Variants in FHIT observed in about 807,000 individuals in gnomAD.
FHIT encodes the protein fragile histidine triad diadenosine triphosphatase.
FHIT carries 19 observed loss-of-function variants against 17.9 expected under a neutral mutation model. The ratio of observed to expected loss-of-function variants is 1.06; its 90% CI spans 0.74 to 1.56. The LOEUF (loss-of-function observed/expected upper bound fraction) is 1.56, where lower values mean the gene tolerates loss of function less well. Among genes scored for constraint, FHIT ranks in the 40% most tolerant of loss-of-function variants. The pLI is 0.00. For synonymous variants in FHIT, 81 were observed against 69.7 expected (o/e 1.16, Z -0.81); for missense variants, 248 against 189.2 (o/e 1.31, Z -1.82).
In FHIT at chr3:60,889,822, G is replaced by A. The variant is rs114537550; in HGVS notation, c.-110-67811C>T. Among the ~76,000 whole-genome samples the A allele has an allele frequency of 5.9e-5, 9 of 152,134 alleles. No individual in the cohort carries two copies. The South Asian group carries it at 6.2e-4, about 11-fold the overall frequency. On this transcript the variant is annotated intron_variant, in intron 3 of 9. Transcript: ENST00000492590. ...ATTGGGTTAATATGATTCAATTTAC[G>A]TCTGGGCTTCTTGGTAGACAGGACA...
chr3:60,462,189 G>C (rs2032515583), intron 5 of FHIT, among the ~76,000 whole-genome samples: 1 of 152,136 alleles, frequency 6.6e-6, no homozygotes, highest in Admixed American at 6.5e-5. Context: ...AAATATTAAA[G>C]AGAGCTACCA....
chr3:61,158,692 AC>A (rs1229034792), intron 2 of FHIT, among the ~76,000 whole-genome samples: 1 of 152,212 alleles, frequency 6.6e-6, no homozygotes, highest in Non-Finnish European at 1.5e-5. Context: ...GGACATTTTT[AC>A]AAAATAACAA....
chr3:60,668,920 T>C (rs572459851), intron 4 of FHIT, among the ~76,000 whole-genome samples: 3 of 152,248 alleles, frequency 2.0e-5, no homozygotes, highest in South Asian at 4.2e-4. Flanking sequence ...CCAGAGTTGG[T>C]AGTTGTTCTT....
rs1395126850 is a variant in FHIT, at chr3:60,021,816, T to C, written c.104-7664A>G. On this transcript the variant is annotated intron_variant, in intron 5 of 9. Transcript: ENST00000492590. The stretch of plus-strand genomic sequence containing the variant: ...TCAAGGTTATAAAAACCTCCATGTA[T>C]AATACCTACTGCAGTGTTTACTAGA... Among the ~76,000 whole-genome samples the C allele has an allele frequency of 2.0e-5, 3 of 152,212 alleles. No individual in the cohort carries two copies. The East Asian group carries it at 5.8e-4, about 29-fold the overall frequency.
At chr3:60,370,444 C>T (rs907626977) in intron 5 of FHIT, among the ~76,000 whole-genome samples, 3 of 152,098 alleles carry the variant, frequency 2.0e-5, no homozygotes, top group South Asian at 2.1e-4. Flanking sequence ...TAAAGATGCC[C>T]GTGTCAACAT....
intron 5 of FHIT, among the ~76,000 whole-genome samples, chr3:60,434,667 C>A (rs2030049829): frequency 6.6e-6 from 1 of 152,122 alleles, no homozygotes; most frequent in Non-Finnish European, 1.5e-5. Flanking sequence ...TCTTGACAGA[C>A]TGGTACTAGT....
At chr3:61,118,555 A>G (rs1215946955) in intron 2 of FHIT, among the ~76,000 whole-genome samples, 2 of 152,198 alleles carry the variant, frequency 1.3e-5, no homozygotes, top group African/African-American at 4.8e-5. Context: ...ATCATTTTTC[A>G]TAGCACCTGG....
chr3:60,782,899 G>T (rs1413236745), intron 4 of FHIT, among the ~76,000 whole-genome samples: 1 of 152,030 alleles, frequency 6.6e-6, no homozygotes, highest in African/African-American at 2.4e-5. Flanking sequence ...TTTTAAAAGG[G>T]CACCAATCCC....
intron 4 of FHIT, among the ~76,000 whole-genome samples, chr3:60,546,978 T>C (rs2036388638): frequency 6.6e-6 from 1 of 152,060 alleles, no homozygotes; most frequent in Admixed American, 6.6e-5. Context: ...TTAATTTCAA[T>C]GAAGAAGAAA....
intron 8 of FHIT, among the ~76,000 whole-genome samples, chr3:59,879,546 C>T (rs1703310357): frequency 6.6e-6 from 1 of 152,018 alleles, no homozygotes; most frequent in Non-Finnish European, 1.5e-5. Flanking sequence ...GTAGATGAAG[C>T]AAAGATATGA....
At chr3:60,757,705 T>C (rs538317182) in intron 4 of FHIT, among the ~76,000 whole-genome samples, 3 of 152,256 alleles carry the variant, frequency 2.0e-5, no homozygotes, top group South Asian at 4.2e-4. Context: ...CCCTCATGGG[T>C]CTGGTATACC....
chr3:60,405,900 C>G (rs1469207183), intron 5 of FHIT, among the ~76,000 whole-genome samples: 1 of 152,190 alleles, frequency 6.6e-6, no homozygotes, highest in East Asian at 1.9e-4. Context: ...AATCTCCTTT[C>G]TAAGCTCCAA....
chr3:59,835,329 G>T (rs1342851979), intron 8 of FHIT, among the ~76,000 whole-genome samples: 2 of 152,060 alleles, frequency 1.3e-5, no homozygotes, highest in Admixed American at 1.3e-4. Flanking sequence ...CATCAATGGA[G>T]CTTTCTACCC....
chr3:60,762,998 A>G (rs1699712011), intron 4 of FHIT, among the ~76,000 whole-genome samples: 1 of 152,092 alleles, frequency 6.6e-6, no homozygotes, highest in East Asian at 1.9e-4. Context: ...ACACCATTAC[A>G]CCATTCTAAC....
chr3:60,542,969 C>T (rs565875579), intron 4 of FHIT, among the ~76,000 whole-genome samples: 1 of 152,236 alleles, frequency 6.6e-6, no homozygotes, highest in South Asian at 2.1e-4. Context: ...TTTTTGTGAG[C>T]CAATTTTCCT....
At chr3:60,083,908 G>T (rs1006996427) in intron 5 of FHIT, among the ~76,000 whole-genome samples, 1 of 152,120 alleles carries the variant, frequency 6.6e-6, no homozygotes, top group Non-Finnish European at 1.5e-5. Flanking sequence ...TAATAACAAG[G>T]CCATGCTCTG....
chr3:60,211,478 G>C (rs1377756309), intron 5 of FHIT, among the ~76,000 whole-genome samples: 3 of 152,032 alleles, frequency 2.0e-5, no homozygotes, highest in African/African-American at 7.2e-5. Flanking sequence ...ATCTAAAAAA[G>C]CAATCTCTAT....
At chr3:60,394,392 C>T (rs1362594450) in intron 5 of FHIT, among the ~76,000 whole-genome samples, 1 of 152,032 alleles carries the variant, frequency 6.6e-6, no homozygotes, top group Admixed American at 6.6e-5. Context: ...TTCTTTAAAT[C>T]AAAAAACAGT....
At chr3:60,244,736 T>C (rs757926222) in intron 5 of FHIT, among the ~76,000 whole-genome samples, 1 of 152,140 alleles carries the variant, frequency 6.6e-6, no homozygotes, top group Admixed American at 6.6e-5. Flanking sequence ...ACTACAAACA[T>C]CTTGAATGGG....
Sources: allele counts gnomAD v4.1 joint callset (sites outside exome capture counted in the v4.1 genomes callset), GRCh38; gene constraint gnomAD v4.1.1; transcripts MANE v1.5; gene names NCBI Gene and HGNC (gene_info 2026-07-23, HGNC 2026-07-21).